The following CPSF4 variants were observed in gnomAD, a reference collection of about 807,000 sequenced individuals.
The protein encoded by CPSF4 is cleavage and polyadenylation specific factor 4, also known as cleavage and polyadenylation specificity factor subunit 4.
CPSF4 carries 11 observed loss-of-function variants against 37.7 expected under a neutral mutation model. The observed-to-expected ratio is 0.29, with a 90% CI of 0.18 to 0.48. CPSF4 has a LOEUF of 0.48. Among genes scored for constraint, CPSF4 ranks in the 20% least tolerant of loss-of-function variants. CPSF4 has a pLI of 0.99. For missense variants in CPSF4, 144 were observed against 359.5 expected (o/e 0.40, Z 4.85); for synonymous variants, 132 against 135.9 (o/e 0.97, Z 0.20).
chr7:99,448,462 T>A lies in CPSF4; in HGVS notation c.307+189T>A. 5.0e-6 allele frequency: 2 copies of A among 400,594 alleles called. No individual in the cohort carries two copies. The highest frequency in any genetic ancestry group is 8.8e-6 in the Non-Finnish European group (2 of 227,420). The allele number at this position is 400,594 out of a possible 1,614,324, so 24.8% of individuals were successfully genotyped here. ...TGTGGCTATTTTCTGCTCATCTCTTTTTTTTTTTTTTTTTTTTTAAAGACA... is the reference window on the plus strand; with the variant it reads ...TGTGGCTATTTTCTGCTCATCTCTTATTTTTTTTTTTTTTTTTTAAAGACA... On this transcript the variant is annotated intron_variant, in intron 3 of 7. Transcript: ENST00000292476. This position sits in a 1 kb window ranked among gnomAD's most constrained non-coding sequence, Gnocchi z 4.4.
Position 99,452,378 on chromosome 7 carries a change from G to A in CPSF4, c.508G>A (p.Glu170Lys). 6.2e-7 allele frequency: 1 copy of A among 1,613,782 alleles called. No individual in the cohort carries two copies. Among genetic ancestry groups the A allele is most frequent in the Non-Finnish European group, 8.5e-7 (1 of 1,179,920 alleles). ...PSCKFMHPRF[E>K]LPMGTTEQPP... ...GCTGCTGGTGACCAGCCCTCGATTT[G>A]AACTGCCCATGGGAACCACCGAGCA... is the stretch of plus-strand genomic sequence containing the variant. The change falls in exon 6 of 8, where the codon GAA becomes AAA. Residue 170 changes from glutamate to lysine, a missense_variant. Glu to Lys is a moderately conservative substitution (Grantham distance 56). Around this residue, in one of 4 missense-constraint regions of CPSF4, gnomAD observed 86 missense variants for 141.5 expected, o/e 0.61. Coordinates refer to ENST00000292476, the MANE Select transcript of CPSF4 (RefSeq NM_006693.4).
At chr7:99,442,087 C>A (rs1313039355) in intron 1 of CPSF4, among the ~76,000 whole-genome samples, 1 of 152,184 alleles carries the variant, frequency 6.6e-6, no homozygotes, top group African/African-American at 2.4e-5. Context: ...CTGCTTGCTT[C>A]CAAGAAGCCA....
intron 1 of CPSF4, chr7:99,439,537 C>A (rs1796691569): frequency 4.4e-6 from 1 of 228,806 alleles, no homozygotes; most frequent in African/African-American, 2.3e-5. Flanking sequence ...CTCCTTTTAC[C>A]CTCACTCGGA....
intron 3 of CPSF4, 142 bp from the exon 4 acceptor site, chr7:99,450,134 G>C: frequency 2.9e-6 from 2 of 683,382 alleles, no homozygotes; most frequent in Non-Finnish European, 5.3e-6. Context: ...TGCACAGGAA[G>C]CTGGGGCTCA....
chr7:99,450,937 G>A (rs370138567), intron 5 of CPSF4, 142 bp downstream of exon 5: 3 of 631,176 alleles, frequency 4.8e-6, no homozygotes, highest in African/African-American at 3.6e-5. Flanking sequence ...AGATGGGGAA[G>A]TAATCCCTGC....
chr7:99,447,864 C>A (rs1797652230), intron 2 of CPSF4: 1 of 543,574 alleles, frequency 1.8e-6, no homozygotes. Context: ...CCCACCTCGG[C>A]CTTCCAAAGT....
chr7:99,449,731 C>T (rs552588974), intron 3 of CPSF4, among the ~76,000 whole-genome samples: 3 of 152,292 alleles, frequency 2.0e-5, no homozygotes, highest in South Asian at 2.1e-4. Flanking sequence ...GGAAGGAAAC[C>T]GTGACCAGAA....
Position 99,452,384 on chromosome 7 carries a change from C to T in CPSF4, c.514C>T (p.Pro172Ser), listed in dbSNP as rs1048378923. 2 of 1,613,828 alleles carry T rather than the reference C, an allele frequency of 1.2e-6. No individual in the cohort carries two copies. The highest frequency in any genetic ancestry group is 1.7e-6 in the Non-Finnish European group (2 of 1,179,938). ...CKFMHPRFEL[P>S]MGTTEQPPLP... ...GGTGACCAGCCCTCGATTTGAACTGCCCATGGGAACCACCGAGCAGCCCCC... is the reference window on the plus strand; with the variant it reads ...GGTGACCAGCCCTCGATTTGAACTGTCCATGGGAACCACCGAGCAGCCCCC... Residue 172 changes from proline to serine, a missense_variant, in exon 6 of 8, where the codon CCC becomes TCC. Pro to Ser is a moderately conservative substitution (Grantham distance 74). Around this residue, in one of 4 missense-constraint regions of CPSF4, gnomAD observed 86 missense variants for 141.5 expected, o/e 0.61. Transcript: ENST00000292476.
At chr7:99,456,383 C>T in intron 7 of CPSF4, 49 bp from the exon 8 acceptor site, 3 of 1,555,066 alleles carry the variant, frequency 1.9e-6, no homozygotes, top group Non-Finnish European at 2.7e-6. Flanking sequence ...TGCATTTGAA[C>T]AGTGTTGTTG....
intron 1 of CPSF4, among the ~76,000 whole-genome samples, chr7:99,440,656 A>G (rs577566669): frequency 6.0e-4 from 48 of 79,546 alleles, no homozygotes; most frequent in African/African-American, 3.0e-3. Flanking sequence ...TGCACCTGGC[A>G]TATATATATA....
intron 5 of CPSF4, 82 bp from the exon 6 acceptor site, chr7:99,452,286 A>T: frequency 1.7e-6 from 2 of 1,198,052 alleles, no homozygotes; most frequent in Non-Finnish European, 2.5e-6. Flanking sequence ...GCTGGAATTT[A>T]AGAGCATGGC....
intron 1 of CPSF4, among the ~76,000 whole-genome samples, chr7:99,440,717 T>C (rs1160008740): frequency 2.1e-5 from 3 of 142,570 alleles, no homozygotes; most frequent in African/African-American, 8.1e-5. Context: ...CAACTTTACA[T>C]GGTGATAGTT....
chr7:99,452,557 G>T, intron 6 of CPSF4, 117 bp downstream of exon 6: 1 of 896,292 alleles, frequency 1.1e-6, no homozygotes, highest in Non-Finnish European at 1.8e-6. Context: ...GGAGAGGAGG[G>T]GAGTCTCCCA....
intron 1 of CPSF4, chr7:99,441,405 G>A (rs553635257): frequency 2.9e-4 from 132 of 456,274 alleles, no homozygotes; most frequent in African/African-American, 2.0e-3. Context: ...CCTGAGGCCC[G>A]GGACACACCT....
At position 99,453,937 on chromosome 7, in the gene CPSF4, G is replaced by A; in HGVS notation, c.571-29G>A. ...AGTCTGCGTGCACGTGTTTTCCACA[G>A]TAAAACCGTGTTGTGTAACTCTTTC... is the stretch of plus-strand genomic sequence containing the variant. On this transcript the variant is annotated intron_variant, in intron 6 of 7. Transcript: ENST00000292476. This position sits in a 1 kb window ranked among gnomAD's most constrained non-coding sequence, Gnocchi z 4.7. 1 of 1,609,360 alleles carries A rather than the reference G, an allele frequency of 6.2e-7. No individual in the cohort carries two copies. The highest frequency in any genetic ancestry group is 8.5e-7 in the Non-Finnish European group (1 of 1,176,498).
chr7:99,448,641 C>CA lies in CPSF4; in HGVS notation c.307+370dup. ...AGTGCTTCAGTGTTTGGAGCTCTTTCAATCACTCGGATTTGAGGCTAACGA... is the reference window on the plus strand; with the variant it reads ...AGTGCTTCAGTGTTTGGAGCTCTTTCAAATCACTCGGATTTGAGGCTAACGA... On this transcript the variant is annotated intron_variant, in intron 3 of 7. Transcript: ENST00000292476. This position sits in a 1 kb window ranked among gnomAD's most constrained non-coding sequence, Gnocchi z 4.4. The CA allele has an allele frequency of 5.9e-6, 1 of 169,800 alleles. No individual in the cohort carries two copies. The highest frequency in any genetic ancestry group is 1.3e-5 in the Non-Finnish European group (1 of 79,154). 10.5% of individuals were successfully genotyped at this position (169,800 alleles called of 1,614,324 possible).
In CPSF4 at chr7:99,456,737, G is replaced by A. The variant is rs116581688; in HGVS notation, c.*237G>A. 5.1e-3 allele frequency: 2,986 copies of A among 590,762 alleles called. 50 individuals carry two copies. The highest frequency in any genetic ancestry group is 0.044 in the African/African-American group (2,417 of 54,404). 36.6% of individuals were successfully genotyped at this position (590,762 alleles called of 1,614,324 possible). On this transcript the variant is annotated 3_prime_UTR_variant, in exon 8 of 8. Coordinates refer to ENST00000292476, the MANE Select transcript of CPSF4 (RefSeq NM_006693.4). Reference sequence around the variant, plus strand: ...TCGACATCATGTTTGGCTGGGCATCGATGCCTCCTTTCTGGGACTCCCGGC... The same window carrying A: ...TCGACATCATGTTTGGCTGGGCATCAATGCCTCCTTTCTGGGACTCCCGGC...
rs761120326 is a variant in CPSF4 at position 99,448,093 on chromosome 7, T to TGACACCCTGTCCCTATCTTGCC, written c.155-26_155-5dup. 6.2e-7 allele frequency: 1 copy of TGACACCCTGTCCCTATCTTGCC among 1,611,306 alleles called. No homozygotes were observed. On this transcript the variant is annotated intron_variant, in intron 2 of 7. Transcript: ENST00000292476. The surrounding 1 kb of genome is among the most constrained non-coding windows in gnomAD (Gnocchi z 4.4). ...CCCAGGCTCAGGGTGGCCTCTCTGC[T>TGACACCCTGTCCCTATCTTGCC]GACACCCTGTCCCTATCTTGCCGGC...
At chr7:99,455,525 G>T (rs1339459753) in intron 7 of CPSF4, among the ~76,000 whole-genome samples, 1 of 152,214 alleles carries the variant, frequency 6.6e-6, no homozygotes, top group Non-Finnish European at 1.5e-5. Context: ...ATAGAAGAAA[G>T]AAAACAGGAA....
Sources: allele counts gnomAD v4.1 joint callset (sites outside exome capture counted in the v4.1 genomes callset), GRCh38; gene constraint gnomAD v4.1.1; regional missense constraint gnomAD v4.1.1; non-coding constraint Gnocchi (gnomAD v3.1); transcripts MANE v1.5; gene names NCBI Gene and HGNC (gene_info 2026-07-23, HGNC 2026-07-21).